Variants in PLCL1 observed in about 807,000 individuals in gnomAD.
PLCL1 encodes the protein inactive phospholipase C-like protein 1.
In PLCL1, 41 loss-of-function variants were observed where a neutral mutation model predicts 84.4. The observed-to-expected ratio is 0.49, with a 90% CI of 0.38 to 0.63. The LOEUF (loss-of-function observed/expected upper bound fraction) is 0.63. Among genes scored for constraint, PLCL1 ranks in the 30% least tolerant of loss-of-function variants. The probability of loss-of-function intolerance (pLI) is 0.00; values close to 1 mark genes in which losing one functional copy is unlikely to be tolerated. For missense variants in PLCL1, 1,206 were observed against 1,367.8 expected (o/e 0.88, Z 1.87); for synonymous variants, 490 against 488.3 (o/e 1.00, Z -0.05).
At chr2:197,927,272 AAG>A (rs1688848978) in intron 1 of PLCL1, among the ~76,000 whole-genome samples, 1 of 152,232 alleles carries the variant, frequency 6.6e-6, no homozygotes, top group Non-Finnish European at 1.5e-5. Flanking sequence ...GAGGGATTGA[AAG>A]AGAACTGAAA....
At chr2:197,957,887 GATCT>G (rs1254799946) in intron 1 of PLCL1, among the ~76,000 whole-genome samples, 1 of 151,804 alleles carries the variant, frequency 6.6e-6, no homozygotes, top group Non-Finnish European at 1.5e-5. Context: ...TATCATACAA[GATCT>G]ATCAAATATT....
At chr2:197,964,192 A>G (rs947227050) in intron 1 of PLCL1, among the ~76,000 whole-genome samples, 9 of 152,122 alleles carry the variant, frequency 5.9e-5, no homozygotes, top group Non-Finnish European at 1.2e-4. Flanking sequence ...TTTCAGTAGT[A>G]TGAACGTTCT....
chr2:197,965,357 C>T (rs1214926874), intron 1 of PLCL1, among the ~76,000 whole-genome samples: 1 of 152,058 alleles, frequency 6.6e-6, no homozygotes, highest in East Asian at 1.9e-4. Flanking sequence ...TATAGTTGCT[C>T]ATAGCAGCCT....
intron 1 of PLCL1, among the ~76,000 whole-genome samples, chr2:198,049,303 G>A (rs997838898): frequency 2.0e-5 from 3 of 152,204 alleles, no homozygotes; most frequent in African/African-American, 7.2e-5. Flanking sequence ...GACAGCACCT[G>A]TAGCCTTTTG....
At chr2:197,984,948 T>TTG (rs1553508152) in intron 1 of PLCL1, among the ~76,000 whole-genome samples, 9 of 151,894 alleles carry the variant, frequency 5.9e-5, no homozygotes, top group African/African-American at 2.2e-4. Flanking sequence ...GTTTTTTTTT[T>TTG]TTTGTTTGTT....
intron 1 of PLCL1, among the ~76,000 whole-genome samples, chr2:198,061,424 C>T (rs906085368): frequency 6.6e-6 from 1 of 151,986 alleles, no homozygotes; most frequent in Non-Finnish European, 1.5e-5. Flanking sequence ...TCCTCTTTAA[C>T]GGCCCCCAGC....
At chr2:197,836,762 T>G (rs1004755665) in intron 1 of PLCL1, among the ~76,000 whole-genome samples, 19 of 152,338 alleles carry the variant, frequency 1.2e-4, no homozygotes, top group African/African-American at 4.3e-4. Context: ...TCTCTGTTGC[T>G]CAGGCTGGAG....
At chr2:197,812,676 T>C (rs761451497) in intron 1 of PLCL1, among the ~76,000 whole-genome samples, 12 of 152,202 alleles carry the variant, frequency 7.9e-5, no homozygotes, top group Non-Finnish European at 1.5e-4. Context: ...ACTTGTATTA[T>C]TTACACGGTA....
At chr2:198,089,606 A>G (rs970513375) in intron 3 of PLCL1, among the ~76,000 whole-genome samples, 5 of 152,188 alleles carry the variant, frequency 3.3e-5, no homozygotes, top group Non-Finnish European at 7.3e-5. Context: ...CTGGAATAGA[A>G]TAGATCATGT....
intron 1 of PLCL1, among the ~76,000 whole-genome samples, chr2:198,004,439 T>A (rs1303227839): frequency 6.6e-6 from 1 of 152,202 alleles, no homozygotes; most frequent in African/African-American, 2.4e-5. Flanking sequence ...GCATTGACTG[T>A]GTCCTACTGA....
chr2:197,942,623 G>T (rs1295408771), intron 1 of PLCL1, among the ~76,000 whole-genome samples: 2 of 152,196 alleles, frequency 1.3e-5, no homozygotes, highest in African/African-American at 4.8e-5. Context: ...AATGAAATTT[G>T]AAATACACAA....
chr2:197,936,208 A>C (rs1689050982), intron 1 of PLCL1, among the ~76,000 whole-genome samples: 1 of 147,928 alleles, frequency 6.8e-6, no homozygotes, highest in South Asian at 2.2e-4. Context: ...AGCTATCATG[A>C]ATAGTGCTGC....
At chr2:197,912,600 A>C (rs1688504487) in intron 1 of PLCL1, among the ~76,000 whole-genome samples, 1 of 149,992 alleles carries the variant, frequency 6.7e-6, no homozygotes, top group Non-Finnish European at 1.5e-5. Context: ...TACACCATGG[A>C]ATACTATGCA....
At chr2:198,093,155 G>A (rs962098071) in intron 3 of PLCL1, among the ~76,000 whole-genome samples, 1 of 152,132 alleles carries the variant, frequency 6.6e-6, no homozygotes, top group African/African-American at 2.4e-5. Context: ...GGGATGAACT[G>A]GTGGAGCACA....
intron 1 of PLCL1, among the ~76,000 whole-genome samples, chr2:197,900,986 T>A (rs1272932204): frequency 6.6e-6 from 1 of 152,158 alleles, no homozygotes; most frequent in East Asian, 1.9e-4. Context: ...CTTCCTGGGA[T>A]TTTGAAAAAA....
At chr2:198,092,146 C>T (rs1331020012) in intron 3 of PLCL1, among the ~76,000 whole-genome samples, 1 of 152,112 alleles carries the variant, frequency 6.6e-6, no homozygotes, top group African/African-American at 2.4e-5. Context: ...ACTTGCCTCT[C>T]TCACCTGCTT....
chr2:198,140,298 T>G (rs1366519399), intron 5 of PLCL1, among the ~76,000 whole-genome samples: 1 of 152,146 alleles, frequency 6.6e-6, no homozygotes, highest in African/African-American at 2.4e-5. Flanking sequence ...ATTATATTAT[T>G]ATTAGTGAGT....
At chr2:198,025,194 T>G in intron 1 of PLCL1, among the ~76,000 whole-genome samples, 1 of 152,168 alleles carries the variant, frequency 6.6e-6, no homozygotes, top group Non-Finnish European at 1.5e-5. Flanking sequence ...CTCTATACCC[T>G]TTTAACAAAT....
chr2:197,830,767 A>G (rs962832643), intron 1 of PLCL1, among the ~76,000 whole-genome samples: 3 of 152,228 alleles, frequency 2.0e-5, no homozygotes, highest in African/African-American at 7.2e-5. Context: ...AAGGGCAGAT[A>G]GAGAGAAAGA....
Sources: gnomAD v4.1 joint callset for allele counts (sites outside exome capture counted in the v4.1 genomes callset) on GRCh38, gnomAD v4.1.1 for gene constraint, MANE v1.5 for transcripts, NCBI Gene and HGNC (gene_info 2026-07-23, HGNC 2026-07-21) for gene names.